Variants in FMN2 observed in about 807,000 individuals in gnomAD.
The protein encoded by FMN2 is formin 2.
A neutral mutation model predicts 142.3 loss-of-function variants in FMN2; 51 were observed. The observed-to-expected ratio is 0.36, with a 90% confidence interval of 0.29 to 0.45. The LOEUF is 0.45. FMN2 is among the 20% of genes least tolerant of loss of function. The pLI is 1.00. For synonymous variants in FMN2, 882 were observed against 869.8 expected (o/e 1.01, Z -0.25); for missense variants, 1,936 against 2,122.8 (o/e 0.91, Z 1.73).
intron 14 of FMN2, among the ~76,000 whole-genome samples, chr1:240,371,401 C>G (rs1362095999): frequency 6.6e-6 from 1 of 152,180 alleles, no homozygotes; most frequent in Non-Finnish European, 1.5e-5. Flanking sequence ...GAAGAAGAAT[C>G]CTGACCAAAT....
At chr1:240,191,094 C>T (rs907099622) in intron 4 of FMN2, among the ~76,000 whole-genome samples, 1 of 152,134 alleles carries the variant, frequency 6.6e-6, no homozygotes, top group Non-Finnish European at 1.5e-5. Flanking sequence ...CTTCTGTGGT[C>T]GTAATGTGAG....
Position 240,257,200 on chromosome 1 carries a change from A to G in FMN2, c.4066-745A>G, listed in dbSNP as rs563783073. On this transcript the variant is annotated intron_variant, in intron 6 of 17. Transcript: ENST00000319653. ...TGGAAAACATGGTCAAAAAATATCT[A>G]TCTGTTCTGTAACAGCCTTCCCACC... Among the ~76,000 whole-genome samples, 7 of 152,292 alleles carry G rather than the reference A, an allele frequency of 4.6e-5. 1 individual carries two copies. In the South Asian group the frequency reaches 6.2e-4, roughly 14 times the overall value.
chr1:240,388,475 C>T (rs193165250), intron 14 of FMN2, among the ~76,000 whole-genome samples: 207 of 151,992 alleles, frequency 1.4e-3, no homozygotes, highest in African/African-American at 4.7e-3. Flanking sequence ...TGAGAAAGAC[C>T]TTGCAAAGTA....
chr1:240,397,433 A>G (rs899922254), intron 15 of FMN2, among the ~76,000 whole-genome samples: 1 of 152,166 alleles, frequency 6.6e-6, no homozygotes, highest in Non-Finnish European at 1.5e-5. Context: ...GAAACCCAGC[A>G]TGTTTTAAAG....
intron 6 of FMN2, among the ~76,000 whole-genome samples, chr1:240,240,444 A>G (rs1667855357): frequency 1.3e-5 from 2 of 152,198 alleles, no homozygotes; most frequent in African/African-American, 2.4e-5. Context: ...TGGTCTCAAT[A>G]AGAGTCTTTT....
intron 2 of FMN2, among the ~76,000 whole-genome samples, chr1:240,166,325 GT>G (rs1474249496): frequency 6.6e-6 from 1 of 151,892 alleles, no homozygotes; most frequent in Non-Finnish European, 1.5e-5. Context: ...TGCCTCCCGG[GT>G]TCAAGCGATT....
chr1:240,290,064 C>T (rs1036277221), intron 7 of FMN2, among the ~76,000 whole-genome samples: 5 of 152,170 alleles, frequency 3.3e-5, no homozygotes, highest in African/African-American at 1.2e-4. Context: ...CCTGCCTGCG[C>T]ACAGTCAAGA....
chr1:240,204,300 A>G (rs1666242283), intron 4 of FMN2, among the ~76,000 whole-genome samples: 1 of 152,162 alleles, frequency 6.6e-6, no homozygotes, highest in Admixed American at 6.5e-5. Context: ...AGAGGTTAGG[A>G]TTAAGACTAC....
chr1:240,391,677 C>T (rs982558568), intron 14 of FMN2, among the ~76,000 whole-genome samples: 6 of 151,978 alleles, frequency 3.9e-5, no homozygotes, highest in Non-Finnish European at 7.4e-5. Flanking sequence ...GTTTTAAAAT[C>T]TGATAGATAG....
At chr1:240,159,571 T>C (rs1198970753) in intron 2 of FMN2, among the ~76,000 whole-genome samples, 1 of 152,052 alleles carries the variant, frequency 6.6e-6, no homozygotes, top group African/African-American at 2.4e-5. Context: ...AATGAACTAA[T>C]AGGATCTTCA....
At chr1:240,297,922 AC>A (rs1670047638) in intron 8 of FMN2, among the ~76,000 whole-genome samples, 1 of 152,166 alleles carries the variant, frequency 6.6e-6, no homozygotes, top group African/African-American at 2.4e-5. Flanking sequence ...CTGTAACCTC[AC>A]ATGGTAGAAG....
intron 1 of FMN2, among the ~76,000 whole-genome samples, chr1:240,120,802 G>A (rs1662205935): frequency 2.6e-5 from 4 of 152,190 alleles, no homozygotes; most frequent in Admixed American, 2.6e-4. Context: ...GGACCCTAGA[G>A]ATTTTCCATT....
At chr1:240,384,975 T>G (rs1420489072) in intron 14 of FMN2, among the ~76,000 whole-genome samples, 1 of 152,176 alleles carries the variant, frequency 6.6e-6, no homozygotes, top group African/African-American at 2.4e-5. Flanking sequence ...TACCATTTTC[T>G]TAAAGGAAAA....
At chr1:240,431,402 T>TTATATATATATACATA (rs1675166951) in intron 15 of FMN2, among the ~76,000 whole-genome samples, 1 of 139,206 alleles carries the variant, frequency 7.2e-6, no homozygotes, top group African/African-American at 2.7e-5. Flanking sequence ...CAACCATGTT[T>TTATATATATATACATA]TATATATATA....
At chr1:240,467,515 C>T (rs1676664124) in intron 16 of FMN2, among the ~76,000 whole-genome samples, 1 of 152,112 alleles carries the variant, frequency 6.6e-6, no homozygotes, top group African/African-American at 2.4e-5. Flanking sequence ...ATCCACCCTC[C>T]TCAGCCTCCC....
chr1:240,151,375 G>T (rs1371138433), intron 2 of FMN2, among the ~76,000 whole-genome samples: 1 of 152,110 alleles, frequency 6.6e-6, no homozygotes, highest in East Asian at 1.9e-4. Flanking sequence ...GTTGGTGACA[G>T]ATCTTAAGGC....
intron 14 of FMN2, among the ~76,000 whole-genome samples, chr1:240,367,896 C>A (rs1035353332): frequency 3.0e-4 from 46 of 150,944 alleles, no homozygotes; most frequent in African/African-American, 1.0e-3. Context: ...ATTTGAAATT[C>A]ATTTTTATCT....
intron 2 of FMN2, chr1:240,143,184 T>C (rs1443013473): frequency 6.3e-6 from 10 of 1,586,252 alleles, no homozygotes; most frequent in Non-Finnish European, 8.7e-6. Context: ...ACGGGCATTA[T>C]TGGTACCACT....
In FMN2 at chr1:240,472,811, G is replaced by C. The variant is rs187678417; in HGVS notation, c.5142+358G>C. The stretch of plus-strand genomic sequence containing the variant: ...ATACAAACAATTAGCCGGGCATGGT[G>C]GTGTGTGCCTGTAGTCCCAGCTACT... On this transcript the variant is annotated intron_variant, in intron 17 of 17. Transcript: ENST00000319653. Among the ~76,000 whole-genome samples the C allele has an allele frequency of 2.8e-3, 432 of 152,082 alleles. 6 individuals carry two copies. Among genetic ancestry groups the C allele is most frequent in the Admixed American group, 0.023 (355 of 15,274 alleles).
Sources: gnomAD v4.1 joint callset for allele counts (sites outside exome capture counted in the v4.1 genomes callset) on GRCh38, gnomAD v4.1.1 for gene constraint, MANE v1.5 for transcripts, NCBI Gene and HGNC (gene_info 2026-07-23, HGNC 2026-07-21) for gene names.